The following SATB2 variants were observed in gnomAD, a reference collection of about 807,000 sequenced individuals.
SATB2 encodes the protein DNA-binding protein SATB2.
SATB2 carries 1 observed loss-of-function variant against 73.4 expected under a neutral mutation model. The observed-to-expected ratio is 0.01, with a 90% CI of 0.00 to 0.06. The LOEUF is 0.06. SATB2 is among the 10% of genes least tolerant of loss of function. The probability of loss-of-function intolerance (pLI) is 1.00; values close to 1 mark genes in which losing one functional copy is unlikely to be tolerated. For synonymous variants in SATB2, 397 were observed against 367.0 expected (o/e 1.08, Z -0.93); for missense variants, 459 against 945.8 (o/e 0.49, Z 6.75).
chr2:199,302,859 A>G (rs570878446), intron 10 of SATB2, among the ~76,000 whole-genome samples: 2 of 152,330 alleles, frequency 1.3e-5, no homozygotes, highest in East Asian at 3.9e-4. Context: ...CTTGAACATT[A>G]GCGATAAGAG....
At chr2:199,356,734 C>T (rs188032640) in intron 6 of SATB2, among the ~76,000 whole-genome samples, 1 of 152,054 alleles carries the variant, frequency 6.6e-6, no homozygotes, top group African/African-American at 2.4e-5. Context: ...AAATGTTTCA[C>T]AAGTGCTTTT....
At chr2:199,341,789 C>G (rs535730565) in intron 7 of SATB2, among the ~76,000 whole-genome samples, 1 of 152,254 alleles carries the variant, frequency 6.6e-6, no homozygotes, top group South Asian at 2.1e-4. Flanking sequence ...CTGGAAATGG[C>G]GTGGACCTAT....
upstream of SATB2, among the ~76,000 whole-genome samples, chr2:199,462,216 A>G (rs1050726950): frequency 6.6e-6 from 1 of 152,062 alleles, no homozygotes; most frequent in African/African-American, 2.4e-5. The surrounding 1 kb of genome is among the most constrained non-coding windows in gnomAD (Gnocchi z 5.9). Flanking sequence ...GCTTCTAGGA[A>G]CCCAAGCGGG....
intron 3 of SATB2, among the ~76,000 whole-genome samples, chr2:199,407,259 C>T (rs1485681009): frequency 7.3e-6 from 1 of 136,066 alleles, no homozygotes; most frequent in Admixed American, 8.1e-5. Context: ...GTGCTCCAGC[C>T]TGGGTGACAG....
intron 10 of SATB2, among the ~76,000 whole-genome samples, chr2:199,305,717 T>C (rs1687414141): frequency 6.6e-6 from 1 of 152,186 alleles, no homozygotes; most frequent in Admixed American, 6.5e-5. Flanking sequence ...TCCCTCTTTT[T>C]ATTCCAGTAC....
intron 8 of SATB2, chr2:199,326,211 A>C (rs1195341112): frequency 2.6e-5 from 4 of 152,190 alleles, no homozygotes; most frequent in Non-Finnish European, 5.9e-5. Context: ...AATGTTTTAA[A>C]AGACTTTAAT....
intron 7 of SATB2, among the ~76,000 whole-genome samples, chr2:199,341,967 G>A (rs368204547): frequency 1.2e-4 from 18 of 152,316 alleles, no homozygotes; most frequent in Admixed American, 1.1e-3. Flanking sequence ...GCTCTGGAGT[G>A]GAAGTTATGC....
intron 3 of SATB2, among the ~76,000 whole-genome samples, chr2:199,412,544 C>T (rs1016527617): frequency 6.6e-6 from 1 of 152,196 alleles, no homozygotes; most frequent in African/African-American, 2.4e-5. Flanking sequence ...ATTACTTTGT[C>T]TTCTGTGCTG....
rs556291921 is a variant in SATB2 at position 199,463,964 on chromosome 2, G to A, written c.-141+872C>T. Among the ~76,000 whole-genome samples, 42 of 152,260 alleles carry A rather than the reference G, an allele frequency of 2.8e-4. No homozygotes were observed. Among genetic ancestry groups the A allele is most frequent in the South Asian group, 1.9e-3 (9 of 4,820 alleles). ...CGCTTTGAGGCTATGGGCCCACGCC[G>A]GTCTTGAACCAAGCGGAGAGGGCGA... On this transcript the variant is annotated intron_variant, in intron 1 of 11. Coordinates refer to the SATB2 transcript ENST00000260926. This position sits in a 1 kb window ranked among gnomAD's most constrained non-coding sequence, Gnocchi z 6.4.
chr2:199,455,208 G>A lies in SATB2; in HGVS notation c.169+661C>T, dbSNP rs1034533442. On this transcript the variant is annotated intron_variant, in intron 2 of 10. Transcript: ENST00000417098. The surrounding 1 kb of genome is among the most constrained non-coding windows in gnomAD (Gnocchi z 4.1). ...AATAAAATTATTAATAAATTCTTTG[G>A]AGGGGAAACTACATCTAGTTGATAA... Among the ~76,000 whole-genome samples the A allele has an allele frequency of 1.8e-4, 27 of 152,180 alleles. No individual in the cohort carries two copies. Among genetic ancestry groups the A allele is most frequent in the African/African-American group, 6.5e-4 (27 of 41,440 alleles).
chr2:199,438,877 GC>G (rs1444346640), intron 2 of SATB2, among the ~76,000 whole-genome samples: 1 of 152,180 alleles, frequency 6.6e-6, no homozygotes, highest in African/African-American at 2.4e-5. Flanking sequence ...GAAGTAACAT[GC>G]CCCAAAAAAC....
chr2:199,279,821 C>G (rs965327355), intron 10 of SATB2, among the ~76,000 whole-genome samples: 2 of 152,192 alleles, frequency 1.3e-5, no homozygotes, highest in Non-Finnish European at 2.9e-5. Flanking sequence ...AAAAGGAAAG[C>G]ATTATCCTAC....
intron 10 of SATB2, among the ~76,000 whole-genome samples, chr2:199,298,636 G>A (rs1319086899): frequency 6.6e-6 from 1 of 152,078 alleles, no homozygotes; most frequent in Non-Finnish European, 1.5e-5. Context: ...ACGCAACTGG[G>A]ATTGAGCTTC....
chr2:199,386,752 ACACACACACACAC>A (rs1389377165), intron 3 of SATB2, among the ~76,000 whole-genome samples: 46 of 131,112 alleles, frequency 3.5e-4, no homozygotes, highest in Admixed American at 2.6e-3. Flanking sequence ...ACACACACAC[ACACACACACACAC>A]ACCTTTGAGT....
intron 7 of SATB2, among the ~76,000 whole-genome samples, chr2:199,344,698 T>C (rs1274975937): frequency 6.6e-6 from 1 of 152,156 alleles, no homozygotes; most frequent in African/African-American, 2.4e-5. Context: ...ACCACAATGA[T>C]TGGTATCATC....
At chr2:199,415,658 T>A (rs1274372982) in intron 3 of SATB2, among the ~76,000 whole-genome samples, 2 of 152,202 alleles carry the variant, frequency 1.3e-5, no homozygotes, top group East Asian at 1.9e-4. Context: ...AATAACTAAA[T>A]CCCTGATTTA....
intron 3 of SATB2, among the ~76,000 whole-genome samples, chr2:199,419,806 C>T (rs1691110768): frequency 6.6e-6 from 1 of 152,128 alleles, no homozygotes; most frequent in Non-Finnish European, 1.5e-5. Flanking sequence ...TCTCACTTTT[C>T]CAGAAGCATC....
chr2:199,349,743 G>A (rs1211816009), intron 6 of SATB2, among the ~76,000 whole-genome samples: 1 of 151,942 alleles, frequency 6.6e-6, no homozygotes, highest in African/African-American at 2.4e-5. Context: ...TTAAGAAATT[G>A]ATATTTTAAA....
intron 5 of SATB2, among the ~76,000 whole-genome samples, chr2:199,378,505 G>T (rs994159126): frequency 6.6e-6 from 1 of 152,036 alleles, no homozygotes; most frequent in Non-Finnish European, 1.5e-5. Flanking sequence ...CATACCTACA[G>T]GTAGGTATTA....
Sources: allele counts gnomAD v4.1 joint callset (sites outside exome capture counted in the v4.1 genomes callset), GRCh38; gene constraint gnomAD v4.1.1; non-coding constraint Gnocchi (gnomAD v3.1); transcripts MANE v1.5; gene names NCBI Gene and HGNC (gene_info 2026-07-23, HGNC 2026-07-21).